The following LOC128125814 variants were observed in gnomAD, a reference collection of about 807,000 sequenced individuals.
At chr12:57,519,417 C>G in the LOC128125814 span, among the ~76,000 whole-genome samples, 1 of 152,118 alleles carries the variant, frequency 6.6e-6, no homozygotes, top group Non-Finnish European at 1.5e-5. Context: ...GTACCCTGAG[C>G]CCCAAACTGT....
the LOC128125814 span, chr12:57,519,239 T>C: frequency 1.5e-5 from 8 of 531,988 alleles, no homozygotes; most frequent in East Asian, 5.4e-5. Flanking sequence ...CTGAAGGGTT[T>C]TGAGTGGAGG....
the LOC128125814 span, among the ~76,000 whole-genome samples, chr12:57,518,955 C>A: frequency 3.3e-5 from 5 of 152,286 alleles, no homozygotes; most frequent in African/African-American, 1.2e-4. Context: ...CCACCATGCC[C>A]GGCCCTTAAC....
the LOC128125814 span, among the ~76,000 whole-genome samples, chr12:57,518,956 G>A: frequency 1.3e-5 from 2 of 152,104 alleles, no homozygotes; most frequent in Non-Finnish European, 2.9e-5. Context: ...CACCATGCCC[G>A]GCCCTTAACT....
chr12:57,519,394 C>T, the LOC128125814 span: 1 of 367,630 alleles, frequency 2.7e-6, no homozygotes, highest in Non-Finnish European at 5.4e-6. Flanking sequence ...ATTTTTTCCT[C>T]TTGCTCAAGG....
the LOC128125814 span, among the ~76,000 whole-genome samples, chr12:57,519,759 G>A: frequency 6.6e-6 from 1 of 152,212 alleles, no homozygotes; most frequent in East Asian, 1.9e-4. Flanking sequence ...AATCCCGAGG[G>A]AAGGACAATA....
At chr12:57,518,744 C>T in the LOC128125814 span, among the ~76,000 whole-genome samples, 3 of 152,204 alleles carry the variant, frequency 2.0e-5, no homozygotes, top group African/African-American at 4.8e-5. Flanking sequence ...CTGCAACCTC[C>T]GCCTGCTGGG....
At chr12:57,520,280 C>T in the LOC128125814 span, 1 of 396,680 alleles carries the variant, frequency 2.5e-6, no homozygotes, top group Non-Finnish European at 4.4e-6. Flanking sequence ...AGCACCACCC[C>T]AGAATAAGGG....
chr12:57,518,628 A>C, the LOC128125814 span, among the ~76,000 whole-genome samples: 1 of 152,146 alleles, frequency 6.6e-6, no homozygotes, highest in African/African-American at 2.4e-5. Flanking sequence ...CTCTTCTCTC[A>C]CACCCTGCAA....
At chr12:57,518,787 T>C in the LOC128125814 span, among the ~76,000 whole-genome samples, 26 of 152,020 alleles carry the variant, frequency 1.7e-4, no homozygotes, top group Non-Finnish European at 2.1e-4. Context: ...GCCTCCGGAG[T>C]AGCTGGGATT....
chr12:57,518,713 G>A, the LOC128125814 span, among the ~76,000 whole-genome samples: 1 of 152,122 alleles, frequency 6.6e-6, no homozygotes, highest in Non-Finnish European at 1.5e-5. Context: ...CAGGCTGGAA[G>A]GCAGTGGCGC....
chr12:57,518,813 C>T, the LOC128125814 span, among the ~76,000 whole-genome samples: 29 of 152,284 alleles, frequency 1.9e-4, no homozygotes, highest in Non-Finnish European at 2.8e-4. Context: ...CATGCACTGC[C>T]ATGCCCGGCT....
the LOC128125814 span, among the ~76,000 whole-genome samples, chr12:57,519,966 T>A: frequency 6.6e-6 from 1 of 152,228 alleles, no homozygotes; most frequent in Non-Finnish European, 1.5e-5. Context: ...AAGGTGGCCA[T>A]GCTGACACCA....
the LOC128125814 span, among the ~76,000 whole-genome samples, chr12:57,520,152 G>C: frequency 6.6e-6 from 1 of 152,240 alleles, no homozygotes; most frequent in Non-Finnish European, 1.5e-5. Context: ...CTACGGGAAA[G>C]AATGAATTTC....
At chr12:57,520,325 T>G in the LOC128125814 span, 8 of 397,858 alleles carry the variant, frequency 2.0e-5, no homozygotes, top group Non-Finnish European at 3.5e-5. Context: ...GGTCCCTAAC[T>G]TCACTGTGGA....
At chr12:57,519,965 A>G in the LOC128125814 span, among the ~76,000 whole-genome samples, 8 of 152,368 alleles carry the variant, frequency 5.3e-5, no homozygotes, top group African/African-American at 1.4e-4. Context: ...CAAGGTGGCC[A>G]TGCTGACACC....
chr12:57,518,872 TGGTCTTGAACTCCTGACCTCA>T, the LOC128125814 span, among the ~76,000 whole-genome samples: 1 of 152,306 alleles, frequency 6.6e-6, no homozygotes, highest in African/African-American at 2.4e-5. Flanking sequence ...TTGGCCAGGC[TGGTCTTGAACTCCTGACCTCA>T]GGTGATCCAC....
At chr12:57,519,936 G>A in the LOC128125814 span, among the ~76,000 whole-genome samples, 1 of 152,216 alleles carries the variant, frequency 6.6e-6, no homozygotes, top group Admixed American at 6.5e-5. Flanking sequence ...CCGCTGCAGG[G>A]TCCAGTAGCC....
At chr12:57,520,133 T>C in the LOC128125814 span, among the ~76,000 whole-genome samples, 1 of 152,210 alleles carries the variant, frequency 6.6e-6, no homozygotes, top group South Asian at 2.1e-4. Context: ...CGATGAGGCC[T>C]GAAGTTGGCT....
At chr12:57,519,145 C>T in the LOC128125814 span, 2 of 533,262 alleles carry the variant, frequency 3.8e-6, no homozygotes, top group Non-Finnish European at 7.7e-6. Flanking sequence ...ATTCACCATA[C>T]AGCAGCCTGA....
Sources: gnomAD v4.1 joint callset for allele counts (sites outside exome capture counted in the v4.1 genomes callset) on GRCh38, gnomAD v4.1.1 for gene constraint, MANE v1.5 for transcripts.